The following LINGO2 variants were observed in gnomAD, a reference collection of about 807,000 sequenced individuals.
LINGO2 encodes leucine-rich repeat and immunoglobulin-like domain-containing nogo receptor-interacting protein 2.
LINGO2 carries 14 observed loss-of-function variants against 30.6 expected under a neutral mutation model. The ratio of observed to expected loss-of-function variants is 0.46; its 90% CI spans 0.30 to 0.72. The LOEUF (loss-of-function observed/expected upper bound fraction) is 0.72, where lower values mean the gene tolerates loss of function less well. Ranked by LOEUF, LINGO2 falls within the 30% of genes least tolerant of loss-of-function variation. The probability of loss-of-function intolerance (pLI) is 0.07; values close to 1 mark genes in which losing one functional copy is unlikely to be tolerated. For synonymous variants in LINGO2, 317 were observed against 288.5 expected, an observed-to-expected ratio of 1.10 and a Z score of -1.00; for missense variants, 729 against 751.7, an observed-to-expected ratio of 0.97 and a Z score of 0.35.
the LINGO2 span, among the ~76,000 whole-genome samples, chr9:29,178,142 G>A: frequency 4.6e-5 from 7 of 151,512 alleles, no homozygotes; most frequent in African/African-American, 7.3e-5. Context: ...TGGAACCTCC[G>A]CCTCCTGGGT....
the LINGO2 span, among the ~76,000 whole-genome samples, chr9:28,851,185 C>T: frequency 6.6e-6 from 1 of 152,028 alleles, no homozygotes; most frequent in Non-Finnish European, 1.5e-5. Context: ...TTAAGTAACA[C>T]AGATTTATTA....
chr9:28,615,213 G>T (rs1826086524), intron 1 of LINGO2, among the ~76,000 whole-genome samples: 1 of 152,128 alleles, frequency 6.6e-6, no homozygotes, highest in Admixed American at 6.5e-5. Context: ...CTTGGTCATT[G>T]ATTTGTCCAC....
intron 1 of LINGO2, among the ~76,000 whole-genome samples, chr9:28,500,739 A>C (rs1470329060): frequency 6.6e-6 from 1 of 152,260 alleles, no homozygotes; most frequent in Middle Eastern, 3.4e-3. Flanking sequence ...AAAGATATAC[A>C]GTATCCCCAA....
chr9:28,229,091 T>G (rs951521369), intron 4 of LINGO2, among the ~76,000 whole-genome samples: 2 of 151,822 alleles, frequency 1.3e-5, no homozygotes, highest in Non-Finnish European at 3.0e-5. Context: ...CATTCTCTTC[T>G]GAGAGTAAAA....
At chr9:28,863,451 T>A in the LINGO2 span, among the ~76,000 whole-genome samples, 1 of 152,094 alleles carries the variant, frequency 6.6e-6, no homozygotes, top group Non-Finnish European at 1.5e-5. Flanking sequence ...ATTTCTGGTG[T>A]GTTTGACACA....
the LINGO2 span, among the ~76,000 whole-genome samples, chr9:29,074,946 G>C: frequency 6.6e-6 from 1 of 151,874 alleles, no homozygotes; most frequent in Non-Finnish European, 1.5e-5. Context: ...AAAGTGCTGG[G>C]ATTACAGGCG....
intron 1 of LINGO2, among the ~76,000 whole-genome samples, chr9:28,646,721 G>A (rs1163513283): frequency 6.6e-6 from 1 of 152,048 alleles, no homozygotes; most frequent in African/African-American, 2.4e-5. Flanking sequence ...CTTATGAAAT[G>A]TCACCTTTAT....
intron 2 of LINGO2, among the ~76,000 whole-genome samples, chr9:28,374,228 A>ATATATG (rs1554713032): frequency 6.2e-4 from 91 of 146,994 alleles, no homozygotes; most frequent in Non-Finnish European, 7.5e-4. Context: ...ATATATATAT[A>ATATATG]TATGTAATAT....
intron 4 of LINGO2, among the ~76,000 whole-genome samples, chr9:28,152,301 G>GTC (rs5897277): frequency 0.077 from 11,527 of 150,264 alleles, 585 homozygotes; most frequent in Middle Eastern, 0.14. Context: ...GGCAACTCTT[G>GTC]TCTCTCTCTC....
At chr9:28,481,212 A>G in intron 1 of LINGO2, among the ~76,000 whole-genome samples, 1 of 152,128 alleles carries the variant, frequency 6.6e-6, no homozygotes, top group Non-Finnish European at 1.5e-5. Flanking sequence ...AATAGTTAAG[A>G]TCTTCATAAC....
chr9:28,313,499 T>C lies in LINGO2; in HGVS notation c.-245-18133A>G, dbSNP rs962673097. Among the ~76,000 whole-genome samples the C allele has an allele frequency of 4.6e-5, 7 of 152,234 alleles. No homozygotes were observed. The East Asian group carries it at 1.3e-3, about 29-fold the overall frequency. ...AAAATAGTTGACTGTGCCCCTTTTTTAATCTAGAGCAATTCAAATTCTTGA... is the reference window on the plus strand; with the variant it reads ...AAAATAGTTGACTGTGCCCCTTTTTCAATCTAGAGCAATTCAAATTCTTGA... On this transcript the variant is annotated intron_variant, in intron 3 of 5. Transcript: ENST00000379992.
the LINGO2 span, among the ~76,000 whole-genome samples, chr9:28,992,322 T>C: frequency 6.6e-6 from 1 of 152,156 alleles, no homozygotes; most frequent in Non-Finnish European, 1.5e-5. Context: ...CTAACTATCC[T>C]AAATATATAT....
intron 2 of LINGO2, among the ~76,000 whole-genome samples, chr9:28,458,940 G>T (rs1824962930): frequency 1.3e-5 from 2 of 151,490 alleles, no homozygotes; most frequent in Non-Finnish European, 2.9e-5. Context: ...TGAGATACAA[G>T]AACAAGCTGT....
At position 28,433,966 on chromosome 9, in the gene LINGO2, T is replaced by TATAC. The variant is rs752778212; in HGVS notation, c.-279+41973_-279+41974insGTAT. 1.5e-3 allele frequency among the ~76,000 whole-genome samples: 148 copies of TATAC among 99,998 alleles called. 11 individuals carry two copies. Among genetic ancestry groups the TATAC allele is most frequent in the Non-Finnish European group, 2.7e-3 (114 of 42,248 alleles). The allele number at this position is 99,998 out of a possible 152,430, so 65.6% of individuals were successfully genotyped here. On this transcript the variant is annotated intron_variant, in intron 2 of 5. Transcript: ENST00000379992. The stretch of plus-strand genomic sequence containing the variant: ...CTCTCTCTCTATATATATATATATA[T>TATAC]ACACACACACACATGAAAATACTAC...
At chr9:28,657,255 TA>T (rs1183277460) in intron 1 of LINGO2, among the ~76,000 whole-genome samples, 4 of 152,154 alleles carry the variant, frequency 2.6e-5, no homozygotes, top group East Asian at 3.9e-4. Flanking sequence ...AGTACCCTGA[TA>T]TTTTTTTACT....
intron 4 of LINGO2, among the ~76,000 whole-genome samples, chr9:28,150,174 G>A (rs1190331339): frequency 1.3e-5 from 2 of 150,690 alleles, no homozygotes; most frequent in Non-Finnish European, 3.0e-5. Context: ...TAAGGGAGAA[G>A]CGCCTCTGCC....
intron 4 of LINGO2, among the ~76,000 whole-genome samples, chr9:28,064,903 T>C (rs531459100): frequency 6.6e-5 from 10 of 151,808 alleles, no homozygotes; most frequent in East Asian, 1.9e-4. Context: ...ACCTAAACCA[T>C]AGAACATCTT....
the LINGO2 span, among the ~76,000 whole-genome samples, chr9:28,745,633 G>A: frequency 6.6e-6 from 1 of 151,922 alleles, no homozygotes; most frequent in African/African-American, 2.4e-5. Flanking sequence ...TTTAAATATT[G>A]TTCATTAAAA....
intron 4 of LINGO2, among the ~76,000 whole-genome samples, chr9:28,034,771 G>T: frequency 6.6e-6 from 1 of 152,308 alleles, no homozygotes; most frequent in Middle Eastern, 3.4e-3. Flanking sequence ...TATGTGAAAT[G>T]TATTTAATAA....
Sources: allele counts gnomAD v4.1 joint callset (sites outside exome capture counted in the v4.1 genomes callset), GRCh38; gene constraint gnomAD v4.1.1; transcripts MANE v1.5; gene names NCBI Gene and HGNC (gene_info 2026-07-23, HGNC 2026-07-21).